The following SPAG16 variants were observed in gnomAD, a reference collection of about 807,000 sequenced individuals.
The protein encoded by SPAG16 is sperm associated antigen 16, also known as sperm-associated antigen 16 protein.
A neutral mutation model predicts 80.4 loss-of-function variants in SPAG16; 86 were observed. The ratio of observed to expected loss-of-function variants is 1.07; its 90% CI spans 0.90 to 1.28. The LOEUF is 1.28. Ranked by LOEUF, SPAG16 falls within the 50% of genes most tolerant of loss-of-function variation. The pLI is 0.00. For missense variants in SPAG16, 870 were observed against 765.3 expected, an observed-to-expected ratio of 1.14 and a Z score of -1.61; for synonymous variants, 294 against 265.9, an observed-to-expected ratio of 1.11 and a Z score of -1.03.
intron 13 of SPAG16, among the ~76,000 whole-genome samples, chr2:214,079,022 G>A (rs1474147173): frequency 6.6e-6 from 1 of 152,108 alleles, no homozygotes; most frequent in South Asian, 2.1e-4. Context: ...GGTGTGATCT[G>A]TGGAATACAC....
intron 10 of SPAG16, among the ~76,000 whole-genome samples, chr2:213,791,740 G>A (rs181554262): frequency 6.6e-6 from 1 of 152,218 alleles, no homozygotes; most frequent in African/African-American, 2.4e-5. Context: ...TATAAGTCAA[G>A]CATGGTTAAG....
chr2:213,671,824 A>G (rs2063822334), intron 10 of SPAG16, among the ~76,000 whole-genome samples: 1 of 152,168 alleles, frequency 6.6e-6, no homozygotes, highest in Non-Finnish European at 1.5e-5. Flanking sequence ...AGACAGTTTG[A>G]TGTCATCTCC....
chr2:214,121,174 A>C (rs1296432767), intron 14 of SPAG16, among the ~76,000 whole-genome samples: 2 of 151,858 alleles, frequency 1.3e-5, no homozygotes, highest in Admixed American at 6.6e-5. Flanking sequence ...ACTATGTAGC[A>C]TAGTTTGTTT....
intron 11 of SPAG16, among the ~76,000 whole-genome samples, chr2:213,927,794 T>C (rs954952759): frequency 1.3e-5 from 2 of 152,174 alleles, no homozygotes; most frequent in African/African-American, 4.8e-5. Context: ...GGCAGAAACA[T>C]ACCACAATAA....
chr2:213,710,681 T>C (rs1171479302), intron 10 of SPAG16, among the ~76,000 whole-genome samples: 2 of 152,236 alleles, frequency 1.3e-5, no homozygotes, highest in African/African-American at 2.4e-5. Flanking sequence ...AGTTTTCCTC[T>C]GAGGTACTAC....
intron 10 of SPAG16, among the ~76,000 whole-genome samples, chr2:213,755,976 A>G (rs2068308743): frequency 6.6e-6 from 1 of 152,192 alleles, no homozygotes; most frequent in Non-Finnish European, 1.5e-5. Context: ...CTATATATGA[A>G]AATCCCTATC....
At chr2:214,332,977 G>A (rs1258606846) in intron 15 of SPAG16, among the ~76,000 whole-genome samples, 3 of 152,128 alleles carry the variant, frequency 2.0e-5, no homozygotes, top group Non-Finnish European at 4.4e-5. Flanking sequence ...ATGATGTGAT[G>A]CTTTAGTCTC....
intron 13 of SPAG16, among the ~76,000 whole-genome samples, chr2:214,104,429 T>C (rs1467552889): frequency 6.6e-6 from 1 of 150,886 alleles, no homozygotes; most frequent in East Asian, 2.0e-4. Flanking sequence ...TGGGGTGGAG[T>C]GGGAGAAGGA....
intron 10 of SPAG16, among the ~76,000 whole-genome samples, chr2:213,838,130 A>G (rs1346805294): frequency 6.6e-6 from 1 of 151,676 alleles, no homozygotes; most frequent in Non-Finnish European, 1.5e-5. Flanking sequence ...AAAGAAAGAG[A>G]CAAATGACAA....
intron 10 of SPAG16, among the ~76,000 whole-genome samples, chr2:213,792,026 A>C (rs922720070): frequency 6.6e-6 from 1 of 152,224 alleles, no homozygotes; most frequent in African/African-American, 2.4e-5. Flanking sequence ...TCCCAAGCCA[A>C]ATGTGTCTTT....
chr2:213,426,735 T>C (rs2069939363), intron 9 of SPAG16, among the ~76,000 whole-genome samples: 1 of 150,994 alleles, frequency 6.6e-6, no homozygotes, highest in African/African-American at 2.4e-5. Context: ...GGTGAACTGT[T>C]CTCTAAAAGC....
chr2:213,576,645 A>G (rs1419701007), intron 10 of SPAG16, among the ~76,000 whole-genome samples: 2 of 152,202 alleles, frequency 1.3e-5, no homozygotes, highest in Admixed American at 6.5e-5. Context: ...ATGGAGCCAT[A>G]AAAAAGAATG....
At chr2:213,695,780 A>C (rs569906490) in intron 10 of SPAG16, among the ~76,000 whole-genome samples, 1 of 152,324 alleles carries the variant, frequency 6.6e-6, no homozygotes, top group African/African-American at 2.4e-5. Context: ...TGTTTCATCA[A>C]TGCACATGCA....
intron 14 of SPAG16, among the ~76,000 whole-genome samples, chr2:214,132,190 T>C (rs1440253064): frequency 6.6e-6 from 1 of 152,242 alleles, no homozygotes; most frequent in African/African-American, 2.4e-5. Flanking sequence ...GAAGTTTTGC[T>C]TTGACTTTCC....
chr2:213,606,025 G>A (rs1271859837), intron 10 of SPAG16, among the ~76,000 whole-genome samples: 1 of 151,996 alleles, frequency 6.6e-6, no homozygotes, highest in Non-Finnish European at 1.5e-5. Flanking sequence ...GGTTAATTTT[G>A]CCTTTATTAA....
chr2:213,304,178 ATCT>A (rs1181560522), intron 3 of SPAG16, among the ~76,000 whole-genome samples: 1 of 152,104 alleles, frequency 6.6e-6, no homozygotes, highest in Non-Finnish European at 1.5e-5. Context: ...CCATTTGTAT[ATCT>A]TCTTTTGAGA....
intron 15 of SPAG16, among the ~76,000 whole-genome samples, chr2:214,220,434 G>A (rs1458969665): frequency 6.6e-6 from 1 of 152,086 alleles, no homozygotes; most frequent in Non-Finnish European, 1.5e-5. Flanking sequence ...GCTAATTTTA[G>A]TTGCATTTGA....
At chr2:214,157,047 G>T (rs2056245938) in intron 15 of SPAG16, among the ~76,000 whole-genome samples, 1 of 152,062 alleles carries the variant, frequency 6.6e-6, no homozygotes, top group Admixed American at 6.6e-5. Flanking sequence ...TATTGTATAT[G>T]CAAATCCATT....
At chr2:213,891,743 G>GTAA (rs1387220038) in intron 11 of SPAG16, among the ~76,000 whole-genome samples, 4 of 152,092 alleles carry the variant, frequency 2.6e-5, no homozygotes. Flanking sequence ...ACAAAGAAGT[G>GTAA]TAATATTAAT....
Sources: allele counts gnomAD v4.1 joint callset (sites outside exome capture counted in the v4.1 genomes callset), GRCh38; gene constraint gnomAD v4.1.1; transcripts MANE v1.5; gene names NCBI Gene and HGNC (gene_info 2026-07-23, HGNC 2026-07-21).